The following L3MBTL1 variants were observed in gnomAD, a reference collection of about 807,000 sequenced individuals.
The protein encoded by L3MBTL1 is L3MBTL histone methyl-lysine binding protein 1.
A neutral mutation model predicts 105.3 loss-of-function variants in L3MBTL1; 75 were observed. That is an observed-to-expected ratio of 0.71 (90% confidence interval 0.59 to 0.86). The LOEUF (loss-of-function observed/expected upper bound fraction) is 0.86, where lower values mean the gene tolerates loss of function less well. Ranked by LOEUF, L3MBTL1 falls within the 40% of genes least tolerant of loss-of-function variation. The pLI is 0.00. For synonymous variants in L3MBTL1, 452 were observed against 436.2 expected, an observed-to-expected ratio of 1.04 and a Z score of -0.45; for missense variants, 1,069 against 1,126.4, an observed-to-expected ratio of 0.95 and a Z score of 0.73.
chr20:43,511,520 G>A (rs1016397353), intron 1 of L3MBTL1, among the ~76,000 whole-genome samples: 4 of 152,120 alleles, frequency 2.6e-5, no homozygotes, highest in Non-Finnish European at 5.9e-5. Flanking sequence ...GATGGCTCAC[G>A]CCTATAAACC....
At chr20:43,544,774 G>A (rs907621212), downstream of L3MBTL1, among the ~76,000 whole-genome samples, 1 of 152,130 alleles carries the variant, frequency 6.6e-6, no homozygotes, top group Non-Finnish European at 1.5e-5. Flanking sequence ...AGACCAGCCT[G>A]GCCAATGTGG....
At chr20:43,531,298 A>T (rs1471291333) in intron 11 of L3MBTL1, 2 of 168,418 alleles carry the variant, frequency 1.2e-5, no homozygotes, top group African/African-American at 4.8e-5. Context: ...TCTTCCATTT[A>T]TTTCCAACAA....
intron 6 of L3MBTL1, 67 bp downstream of exon 6, chr20:43,515,482 T>TC: frequency 6.6e-7 from 1 of 1,511,058 alleles, no homozygotes; most frequent in Non-Finnish European, 8.9e-7. Flanking sequence ...CACTGTCCCC[T>TC]CCATCAATCC....
chr20:43,523,370 C>G (rs940176930), intron 7 of L3MBTL1: 1 of 219,524 alleles, frequency 4.6e-6, no homozygotes, highest in African/African-American at 2.3e-5. Context: ...TAATGCCAGC[C>G]AAGGTCTCAG....
Position 43,530,402 on chromosome 20 carries a change from A to G in L3MBTL1, c.1175A>G (p.Lys392Arg). 6.2e-7 allele frequency: 1 copy of G among 1,614,146 alleles called. No homozygotes were observed. Among genetic ancestry groups the G allele is most frequent in the African/African-American group, 1.3e-5 (1 of 75,038 alleles). ...GGCTGGTTCGAGAAGACGGGCCACA[A>G]GCTGCAGCCTCCCAAAGGTAAGGCC... ...PAGWFEKTGH[K>R]LQPPKGYKEE... The change falls in exon 10 of 22, where the codon AAG (lysine) becomes AGG (arginine). Residue 392 changes from lysine (K) to arginine (R), a missense_variant. By Grantham distance (26) the Lys-to-Arg change is conservative (BLOSUM62 2). Transcript: ENST00000418998.
rs2019890099 is a variant in L3MBTL1, at chr20:43,541,026, G to A, written c.2487G>A (p.Gln829=). 6.2e-7 allele frequency: 1 copy of A among 1,614,168 alleles called. No homozygotes were observed. The highest frequency in any genetic ancestry group is 1.1e-5 in the South Asian group (1 of 91,084). ...LGDLVCSDHL[Q]EGKGILETGV... ...ACCTTGTGTGCTCAGATCATCTTCA[G>A]GAAGGAAAAGGCATCCTGGAGACAG... The change falls in exon 22 of 22, where the codon CAG becomes CAA. Residue 829 remains glutamine, a synonymous_variant. Coordinates refer to ENST00000418998, the MANE Select transcript of L3MBTL1 (RefSeq NM_001377303.1).
Position 43,513,943 on chromosome 20 carries a change from C to A in L3MBTL1, c.242C>A (p.Pro81Gln). Residue 81 changes from proline (P) to glutamine (Q), a missense_variant, in exon 3 of 22, where the codon CCA becomes CAA. Physicochemically the swap from Pro to Gln is moderately conservative, Grantham distance 76. Coordinates refer to ENST00000418998, the MANE Select transcript of L3MBTL1 (RefSeq NM_001377303.1). ...CCGGAGCAAGTGGCCGGCTGCGAAC[C>A]AGTTTCTGCCACCGTCCTGCCGCAG... ...GAPEQVAGCE[P>Q]VSATVLPQLS... 2 of 1,550,010 alleles carry A rather than the reference C, an allele frequency of 1.3e-6. No individual in the cohort carries two copies. The highest frequency in any genetic ancestry group is 2.4e-5 in the South Asian group (2 of 84,068).
At chr20:43,511,460 T>G (rs1248421873) in intron 1 of L3MBTL1, among the ~76,000 whole-genome samples, 1 of 152,010 alleles carries the variant, frequency 6.6e-6, no homozygotes, top group Non-Finnish European at 1.5e-5. Flanking sequence ...AGTGGTGGGA[T>G]GGGGTGAGGG....
intron 7 of L3MBTL1, chr20:43,523,722 A>C (rs1355555101): frequency 1.3e-5 from 2 of 152,148 alleles, no homozygotes; most frequent in African/African-American, 2.4e-5. Flanking sequence ...TTTTCTTTTT[A>C]TTTTTAACTT....
chr20:43,544,619 A>G (rs1218392470), downstream of L3MBTL1, among the ~76,000 whole-genome samples: 3 of 152,144 alleles, frequency 2.0e-5, no homozygotes, highest in African/African-American at 7.2e-5. Context: ...TGGGTGAGAA[A>G]TCTCAGGCGA....
chr20:43,515,498 A>G, intron 6 of L3MBTL1, 83 bp downstream of exon 6: 2 of 1,496,762 alleles, frequency 1.3e-6, no homozygotes, highest in Non-Finnish European at 1.8e-6. Context: ...AATCCAGATT[A>G]TGGAGCTGGG....
chr20:43,543,722 C>A (rs1426476000), downstream of L3MBTL1, among the ~76,000 whole-genome samples: 1 of 152,138 alleles, frequency 6.6e-6, no homozygotes, highest in Non-Finnish European at 1.5e-5. Flanking sequence ...AGATGCTCTC[C>A]ATCTGGGACA....
downstream of L3MBTL1, among the ~76,000 whole-genome samples, chr20:43,543,074 C>A (rs75968604): frequency 5.4e-3 from 822 of 151,688 alleles, 4 homozygotes; most frequent in African/African-American, 0.019. Flanking sequence ...TACAGTCGAA[C>A]CAAATTTTCC....
At chr20:43,548,492 C>T (rs1978776367) in exon 19 of L3MBTL1, 1 of 249,110 alleles carries the variant, frequency 4.0e-6, no homozygotes, top group South Asian at 4.5e-5. Flanking sequence ...AGGGGCATTA[C>T]TCATGGAGTC....
Position 43,529,400 on chromosome 20 carries a change from G to A in L3MBTL1, c.1056+32G>A, listed in dbSNP as rs2019208542. 2.1e-6 allele frequency: 3 copies of A among 1,457,216 alleles called. No homozygotes were observed. The East Asian group carries it at 6.9e-5, about 34-fold the overall frequency. 90.3% of individuals were successfully genotyped at this position (1,457,216 alleles called of 1,614,324 possible). The stretch of plus-strand genomic sequence containing the variant: ...TGGGGCTTGGTACCACCTTTCTGAT[G>A]ATGTCTCTCAGTGCAGATTGATGGA... On this transcript the variant is annotated intron_variant, in intron 9 of 21. Transcript: ENST00000418998.
downstream of L3MBTL1, chr20:43,541,991 A>C (rs2019938658): frequency 1.4e-6 from 1 of 693,936 alleles, no homozygotes; most frequent in South Asian, 6.4e-5. Flanking sequence ...TGGGTGGATC[A>C]CCTGAGGTCA....
At chr20:43,516,253 G>T (rs2018386408) in intron 7 of L3MBTL1, 76 bp downstream of exon 7, 24 of 1,060,094 alleles carry the variant, frequency 2.3e-5, no homozygotes, top group Non-Finnish European at 3.5e-5. Flanking sequence ...GAGAATGTGG[G>T]TTATGATTGT....
At chr20:43,525,188 G>A (rs1023074773) in intron 7 of L3MBTL1, among the ~76,000 whole-genome samples, 9 of 151,928 alleles carry the variant, frequency 5.9e-5, no homozygotes, top group Non-Finnish European at 1.3e-4. Context: ...GGATGGTGGC[G>A]CCATTGACTA....
chr20:43,514,839 C>G, intron 4 of L3MBTL1, 63 bp downstream of exon 4: 1 of 1,479,766 alleles, frequency 6.8e-7, no homozygotes, highest in East Asian at 2.5e-5. Flanking sequence ...GGCCTGAGCC[C>G]CAGAAGGTTC....
Sources: allele counts gnomAD v4.1 joint callset (sites outside exome capture counted in the v4.1 genomes callset), GRCh38; gene constraint gnomAD v4.1.1; transcripts MANE v1.5; gene names NCBI Gene and HGNC (gene_info 2026-07-23, HGNC 2026-07-21).